PRKCB: variants seen among roughly 807,000 people sequenced by gnomAD.
PRKCB encodes the protein protein kinase C beta type.
In PRKCB, 13 loss-of-function variants were observed where a neutral mutation model predicts 81.5. The observed-to-expected ratio is 0.16, with a 90% CI of 0.10 to 0.25. PRKCB has a LOEUF of 0.25. Among genes scored for constraint, PRKCB ranks in the 10% least tolerant of loss-of-function variants. The probability of loss-of-function intolerance (pLI) is 1.00; values close to 1 mark genes in which losing one functional copy is unlikely to be tolerated. For synonymous variants in PRKCB, 335 were observed against 321.4 expected, an observed-to-expected ratio of 1.04 and a Z score of -0.45; for missense variants, 509 against 875.7, an observed-to-expected ratio of 0.58 and a Z score of 5.29.
At chr16:24,153,245 A>G (rs181776278) in intron 9 of PRKCB, among the ~76,000 whole-genome samples, 16 of 152,184 alleles carry the variant, frequency 1.1e-4, no homozygotes, top group Admixed American at 3.9e-4. Flanking sequence ...AATTTCCTCA[A>G]TCACCTGAAC....
chr16:24,115,482 CAA>C (rs1442421882), intron 8 of PRKCB, among the ~76,000 whole-genome samples: 5 of 151,642 alleles, frequency 3.3e-5, no homozygotes, highest in Non-Finnish European at 5.9e-5. Flanking sequence ...AGCATTTATC[CAA>C]AGAGTATCTA....
chr16:23,946,861 C>CTT (rs10690650), intron 2 of PRKCB, among the ~76,000 whole-genome samples: 55,404 of 146,792 alleles, frequency 0.38, 10,603 homozygotes, highest in South Asian at 0.55. Flanking sequence ...TTGTCTTTGT[C>CTT]TTTTTTTTTT....
chr16:24,031,156 CCACTG>C (rs936933771), intron 3 of PRKCB, among the ~76,000 whole-genome samples: 14 of 152,226 alleles, frequency 9.2e-5, no homozygotes, highest in African/African-American at 3.4e-4. Flanking sequence ...CTGCCTTTTA[CCACTG>C]CACTGCACTG....
At chr16:23,939,264 T>A (rs1015496781) in intron 2 of PRKCB, among the ~76,000 whole-genome samples, 3 of 152,228 alleles carry the variant, frequency 2.0e-5, no homozygotes. Flanking sequence ...ACATACTGTG[T>A]TCATGAATTG....
chr16:24,213,219 G>A lies in PRKCB; in HGVS notation c.1864-1439G>A, dbSNP rs778135887. 1.6e-4 allele frequency among the ~76,000 whole-genome samples: 25 copies of A among 152,028 alleles called. 1 individual carries two copies. Among genetic ancestry groups the A allele is most frequent in the Non-Finnish European group, 3.4e-4 (23 of 67,990 alleles). ...CTGGCTAATTTTTATATTTTTAGTA[G>A]AGACGGGGTTTCATCATGTTGGCTA... On this transcript the variant is annotated intron_variant, in intron 16 of 16. Transcript: ENST00000643927.
chr16:23,958,632 T>C (rs1964382765), intron 2 of PRKCB, among the ~76,000 whole-genome samples: 1 of 152,158 alleles, frequency 6.6e-6, no homozygotes, highest in South Asian at 2.1e-4. Context: ...AGCACGGCAC[T>C]TGGCACTTAG....
In PRKCB at chr16:24,220,202, ACATGCTGG is replaced by A. The variant is rs1968301906; in HGVS notation, c.*5390_*5397del. On this transcript the variant is annotated 3_prime_UTR_variant, in exon 17 of 17. Transcript: ENST00000643927. Reference sequence around the variant, plus strand: ...TCTAGTCTTCCAGGATTCACGGTGCACATGCTGGCATTCAACATGTGGAAAGCTTGTCT... The same window carrying A: ...TCTAGTCTTCCAGGATTCACGGTGCACATTCAACATGTGGAAAGCTTGTCT... 1 of 1,483,660 alleles carries A rather than the reference ACATGCTGG, an allele frequency of 6.7e-7. No individual in the cohort carries two copies. The highest frequency in any genetic ancestry group is 9.2e-7 in the Non-Finnish European group (1 of 1,086,036). 91.9% of individuals were successfully genotyped at this position (1,483,660 alleles called of 1,614,324 possible). A position where few individuals can be genotyped will look rare whatever the true frequency, so the allele number is the denominator to read the frequency against.
rs975667798 is a variant in PRKCB, at chr16:24,212,461, C to CTTTT, written c.1864-2174_1864-2171dup. On this transcript the variant is annotated intron_variant, in intron 16 of 16. Transcript: ENST00000643927. ...CTCTCTCCTCCTGTGCTTTTTTTTCCTTTTTTTTTTTTTTTTTTTTTTTTT... is the reference window on the plus strand; with the variant it reads ...CTCTCTCCTCCTGTGCTTTTTTTTCCTTTTTTTTTTTTTTTTTTTTTTTTTTTTT... Among the ~76,000 whole-genome samples the CTTTT allele has an allele frequency of 2.4e-4, 19 of 78,060 alleles. 1 individual carries two copies. Among genetic ancestry groups the CTTTT allele is most frequent in the Admixed American group, 6.9e-4 (5 of 7,266 alleles). The allele number at this position is 78,060 out of a possible 152,430, so 51.2% of individuals were successfully genotyped here.
chr16:24,123,806 C>T, intron 8 of PRKCB, 29 bp from the exon 9 acceptor site: 2 of 1,611,598 alleles, frequency 1.2e-6, no homozygotes, highest in African/African-American at 1.3e-5. Flanking sequence ...AAACCCTGAG[C>T]ATGTTTTCTG....
intron 2 of PRKCB, among the ~76,000 whole-genome samples, chr16:23,908,809 C>T (rs548391941): frequency 1.3e-5 from 2 of 152,222 alleles, no homozygotes; most frequent in African/African-American, 4.8e-5. Context: ...TGAGCCACCG[C>T]GCCCAGCCTG....
chr16:24,024,477 A>T (rs7194020), intron 3 of PRKCB, among the ~76,000 whole-genome samples: 112,241 of 151,668 alleles, frequency 0.74, 42,285 homozygotes, highest in African/African-American at 0.88. Context: ...AAATATCTCA[A>T]GCTAAGAAAA....
intron 3 of PRKCB, chr16:24,031,858 A>T (rs1965554856): frequency 3.4e-6 from 1 of 294,250 alleles, no homozygotes; most frequent in Non-Finnish European, 6.4e-6. Context: ...CTGTAGGTTG[A>T]GTTCCCAGGC....
intron 5 of PRKCB, among the ~76,000 whole-genome samples, chr16:24,051,661 G>C (rs111480271): frequency 0.019 from 2,910 of 151,670 alleles, 85 homozygotes; most frequent in African/African-American, 0.061. Flanking sequence ...ATCACTTGAG[G>C]CAAGGAGTTT....
chr16:23,912,673 C>T (rs988192792), intron 2 of PRKCB, among the ~76,000 whole-genome samples: 22 of 150,722 alleles, frequency 1.5e-4, no homozygotes, highest in East Asian at 5.8e-4. Flanking sequence ...CCACCTCACC[C>T]GGCTAATTTT....
intron 2 of PRKCB, among the ~76,000 whole-genome samples, chr16:23,892,049 C>T (rs924011064): frequency 2.6e-5 from 4 of 152,104 alleles, no homozygotes; most frequent in Non-Finnish European, 5.9e-5. Flanking sequence ...AATTGGGAGA[C>T]GGCTGGATCC....
intron 10 of PRKCB, among the ~76,000 whole-genome samples, chr16:24,170,002 G>A (rs1967416819): frequency 6.6e-6 from 1 of 152,072 alleles, no homozygotes; most frequent in Non-Finnish European, 1.5e-5. Context: ...GGCTGGTCTC[G>A]AGCTCCTGAC....
At chr16:24,058,380 A>G (rs1421606917) in intron 5 of PRKCB, among the ~76,000 whole-genome samples, 1 of 152,138 alleles carries the variant, frequency 6.6e-6, no homozygotes, top group Admixed American at 6.5e-5. Context: ...ACATGTACAG[A>G]TGCACAATTA....
In PRKCB at chr16:24,143,939, T is replaced by C. The variant is rs74452059; in HGVS notation, c.1066-10745T>C. ...TTTTCTGATTCTGTTGCAGGGATGT[T>C]ATTAAGAACACCATCCACAGCACAG... On this transcript the variant is annotated intron_variant, in intron 9 of 16. Coordinates refer to ENST00000643927, the MANE Select transcript of PRKCB (RefSeq NM_002738.7). 5.5e-3 allele frequency among the ~76,000 whole-genome samples: 834 copies of C among 152,320 alleles called. 6 individuals carry two copies. Among genetic ancestry groups the C allele is most frequent in the African/African-American group, 0.019 (808 of 41,572 alleles).
chr16:23,867,169 AG>A (rs1158473425), intron 2 of PRKCB, among the ~76,000 whole-genome samples: 1 of 150,216 alleles, frequency 6.7e-6, no homozygotes, highest in Non-Finnish European at 1.5e-5. Context: ...TCTGTCGCCC[AG>A]GCTGGAATGC....
Sources: allele counts gnomAD v4.1 joint callset (sites outside exome capture counted in the v4.1 genomes callset), GRCh38; gene constraint gnomAD v4.1.1; transcripts MANE v1.5; gene names NCBI Gene and HGNC (gene_info 2026-07-23, HGNC 2026-07-21).